The following TAF12 variants were observed in gnomAD, a reference collection of about 807,000 sequenced individuals.
TAF12 encodes transcription initiation factor TFIID subunit 12.
TAF12 carries 3 observed loss-of-function variants against 20.8 expected under a neutral mutation model. The ratio of observed to expected loss-of-function variants is 0.14; its 90% CI spans 0.07 to 0.37. TAF12 has a LOEUF of 0.37. Among genes scored for constraint, TAF12 ranks in the 10% least tolerant of loss-of-function variants. The pLI is 1.00. For missense variants in TAF12, 131 were observed against 197.9 expected (o/e 0.66, Z 2.03); for synonymous variants, 69 against 70.2 (o/e 0.98, Z 0.09).
intron 4 of TAF12, among the ~76,000 whole-genome samples, chr1:28,610,238 G>A (rs1435035839): frequency 1.3e-5 from 2 of 152,116 alleles, no homozygotes; most frequent in African/African-American, 4.8e-5. Flanking sequence ...AAAGTGCTCG[G>A]ATTACAGGCG....
intron 1 of TAF12, among the ~76,000 whole-genome samples, chr1:28,635,276 CTTTTTT>C (rs1179724707): frequency 1.3e-4 from 13 of 100,684 alleles, no homozygotes; most frequent in African/African-American, 2.9e-4. Context: ...ATCCTCCCTC[CTTTTTT>C]TTTTTTTTTT....
At chr1:28,610,836 T>C (rs1280375404) in intron 4 of TAF12, among the ~76,000 whole-genome samples, 1 of 151,774 alleles carries the variant, frequency 6.6e-6, no homozygotes, top group African/African-American at 2.4e-5. Flanking sequence ...GGCGTGTGCC[T>C]GTAGTCCCAG....
In TAF12 at chr1:28,615,678, C is replaced by CAAAAAAA. The variant is rs57536422; in HGVS notation, c.246+2268_246+2274dup. On this transcript the variant is annotated intron_variant, in intron 3 of 5. Coordinates refer to ENST00000373824, the MANE Select transcript of TAF12 (RefSeq NM_005644.4). Reference sequence around the variant, plus strand: ...TGGTCAACAGAGCGAGACTCCGTCTCAAAAAAAAAAAAAAAAAAAAAAAAA... The same window carrying CAAAAAAA: ...TGGTCAACAGAGCGAGACTCCGTCTCAAAAAAAAAAAAAAAAAAAAAAAAAAAAAAAA... Among the ~76,000 whole-genome samples, 60 of 34,506 alleles carry CAAAAAAA rather than the reference C, an allele frequency of 1.7e-3. 3 individuals carry two copies. The highest frequency in any genetic ancestry group is 3.2e-3 in the African/African-American group (24 of 7,616). The allele number at this position is 34,506 out of a possible 152,430, so 22.6% of individuals were successfully genotyped here.
upstream of TAF12, among the ~76,000 whole-genome samples, chr1:28,647,031 A>G (rs977785134): frequency 6.6e-6 from 1 of 151,568 alleles, no homozygotes; most frequent in African/African-American, 2.4e-5. Context: ...ACAGGGTTTC[A>G]CCATGTTGGC....
chr1:28,610,658 C>G (rs1179620316), intron 4 of TAF12, among the ~76,000 whole-genome samples: 1 of 151,878 alleles, frequency 6.6e-6, no homozygotes, highest in Admixed American at 6.6e-5. Flanking sequence ...CCTTTACCCT[C>G]CTGCTATCAA....
chr1:28,644,975 C>A (rs1668147181), upstream of TAF12, among the ~76,000 whole-genome samples: 1 of 152,140 alleles, frequency 6.6e-6, no homozygotes, highest in Non-Finnish European at 1.5e-5. Flanking sequence ...TAGTTCACTA[C>A]AGCCTCAAAC....
At chr1:28,637,474 G>C (rs1387767515) in intron 1 of TAF12, among the ~76,000 whole-genome samples, 1 of 152,072 alleles carries the variant, frequency 6.6e-6, no homozygotes, top group Non-Finnish European at 1.5e-5. Context: ...AGACCAGCCT[G>C]ACCAATATGG....
intron 3 of TAF12, among the ~76,000 whole-genome samples, chr1:28,617,435 G>A (rs544436658): frequency 9.3e-5 from 14 of 151,272 alleles, no homozygotes; most frequent in Admixed American, 5.9e-4. Flanking sequence ...ACACCACCAC[G>A]CTCAGCTAAT....
rs766692286 is a variant in TAF12 at position 28,605,447 on chromosome 1, G to A, written c.375C>T (p.Asn125=). The A allele has an allele frequency of 8.7e-6, 14 of 1,614,076 alleles. No individual in the cohort carries two copies. The highest frequency in any genetic ancestry group is 1.1e-5 in the Non-Finnish European group (13 of 1,180,002). ...CAGAGCCAAATCCTGGGATCCACAT[G>A]TTCCACTGGCGCTCTGCAAGGAAGA... ...DVQLHLERQW[N]MWIPGFGSEE... The change falls in exon 5 of 6, where the codon AAC becomes AAT. Residue 125 remains asparagine, a synonymous_variant. Transcript: ENST00000373824.
chr1:28,605,338 C>G (rs770737723), intron 5 of TAF12, 34 bp downstream of exon 5: 2 of 1,611,112 alleles, frequency 1.2e-6, no homozygotes, highest in South Asian at 2.2e-5. Context: ...AGGAATCAGC[C>G]CTGGCTGTCC....
At chr1:28,640,362 A>T (rs1203539394) in intron 1 of TAF12, among the ~76,000 whole-genome samples, 1 of 152,198 alleles carries the variant, frequency 6.6e-6, no homozygotes, top group Non-Finnish European at 1.5e-5. Context: ...TCATTCAATT[A>T]TATGTTTTGT....
intron 3 of TAF12, among the ~76,000 whole-genome samples, chr1:28,614,309 A>C (rs1666961038): frequency 6.6e-6 from 1 of 152,102 alleles, no homozygotes; most frequent in Non-Finnish European, 1.5e-5. Flanking sequence ...CACACCTATA[A>C]TCCCAGAACT....
chr1:28,607,131 C>T (rs920048164), intron 4 of TAF12, among the ~76,000 whole-genome samples: 3 of 152,326 alleles, frequency 2.0e-5, no homozygotes, highest in East Asian at 1.9e-4. Context: ...TAAAGGTGTA[C>T]GTCACTTTTA....
At chr1:28,629,323 ACTCACC>A (rs1667541288) in intron 1 of TAF12, among the ~76,000 whole-genome samples, 1 of 151,916 alleles carries the variant, frequency 6.6e-6, no homozygotes, top group South Asian at 2.1e-4. Flanking sequence ...AATAGATCAT[ACTCACC>A]CTTTTCTTCC....
chr1:28,622,078 T>A lies in TAF12; in HGVS notation c.4A>T (p.Asn2Tyr). The change falls in exon 2 of 6, where the codon AAC (asparagine) becomes TAC (tyrosine). Residue 2 changes from asparagine to tyrosine, a missense_variant. Physicochemically the swap from Asn to Tyr is moderately radical, Grantham distance 143 (BLOSUM62 -2). Transcript: ENST00000373824. ...ATTAGGGCTGAGGGGCCAAACTGGT[T>A]CATAATCTGCCGAGCTTTGGACTTC... M[N>Y]QFGPSALINL... The A allele has an allele frequency of 6.2e-7, 1 of 1,611,208 alleles. No individual in the cohort carries two copies. Among genetic ancestry groups the A allele is most frequent in the Non-Finnish European group, 8.5e-7 (1 of 1,179,448 alleles).
At chr1:28,620,129 G>A (rs1667165378) in intron 2 of TAF12, among the ~76,000 whole-genome samples, 2 of 151,002 alleles carry the variant, frequency 1.3e-5, no homozygotes, top group East Asian at 1.9e-4. Flanking sequence ...AAGGAAAAAA[G>A]AAAAAAAATT....
At chr1:28,620,877 CATT>C (rs1278747818) in intron 2 of TAF12, among the ~76,000 whole-genome samples, 1 of 152,142 alleles carries the variant, frequency 6.6e-6, no homozygotes, top group African/African-American at 2.4e-5. Context: ...TTCATTCTAT[CATT>C]ATCACCTAAT....
intron 1 of TAF12, among the ~76,000 whole-genome samples, chr1:28,628,848 G>A (rs1370288321): frequency 1.3e-5 from 2 of 152,200 alleles, no homozygotes; most frequent in Non-Finnish European, 2.9e-5. Flanking sequence ...CAAGGCAGGC[G>A]GATCACCTGA....
At chr1:28,627,898 C>A (rs1246114493) in intron 1 of TAF12, among the ~76,000 whole-genome samples, 1 of 152,044 alleles carries the variant, frequency 6.6e-6, no homozygotes, top group African/African-American at 2.4e-5. Flanking sequence ...TGGTGCCAGA[C>A]TAACACTACC....
Sources: gnomAD v4.1 joint callset for allele counts (sites outside exome capture counted in the v4.1 genomes callset) on GRCh38, gnomAD v4.1.1 for gene constraint, MANE v1.5 for transcripts, NCBI Gene and HGNC (gene_info 2026-07-23, HGNC 2026-07-21) for gene names.